Variants in SLC10A7 observed in about 807,000 individuals in gnomAD.
The protein encoded by SLC10A7 is solute carrier family 10 member 7, also known as sodium/bile acid cotransporter 7.
Under a neutral mutation model 43.2 loss-of-function variants are expected in SLC10A7, and 29 were observed. The ratio of observed to expected loss-of-function variants is 0.67; its 90% CI spans 0.50 to 0.92. The LOEUF is 0.92. Ranked by LOEUF, SLC10A7 falls within the 40% of genes least tolerant of loss-of-function variation. The pLI, the probability that SLC10A7 is intolerant of heterozygous loss-of-function variation, is 0.00. For missense variants in SLC10A7, 295 were observed against 403.2 expected, an observed-to-expected ratio of 0.73 and a Z score of 2.30; for synonymous variants, 152 against 144.8, an observed-to-expected ratio of 1.05 and a Z score of -0.35.
rs567122947 is a variant in SLC10A7, at chr4:146,496,405, C to T, written c.396+7444G>A. Among the ~76,000 whole-genome samples, 3 of 152,258 alleles carry T rather than the reference C, an allele frequency of 2.0e-5. No homozygotes were observed. The East Asian group carries it at 5.8e-4, about 29-fold the overall frequency. On this transcript the variant is annotated intron_variant, in intron 4 of 11. Coordinates refer to ENST00000335472, the MANE Select transcript of SLC10A7 (RefSeq NM_001029998.6). ...CTAACCTTCTCCTACCCTCCTGTCT[C>T]CTGTCCCTCTTTCTCTTGCCTGTGA... is the stretch of plus-strand genomic sequence containing the variant.
At chr4:146,447,295 G>C (rs75687935) in intron 4 of SLC10A7, among the ~76,000 whole-genome samples, 6,342 of 152,108 alleles carry the variant, frequency 0.042, 193 homozygotes, top group South Asian at 0.15. Context: ...TTTTTGTAGA[G>C]ACAGGGTTTC....
chr4:146,294,869 G>A (rs1352524978), intron 7 of SLC10A7, among the ~76,000 whole-genome samples: 2 of 152,140 alleles, frequency 1.3e-5, no homozygotes, highest in East Asian at 3.8e-4. Context: ...ACATAAAAGT[G>A]AACCACTCTA....
intron 5 of SLC10A7, among the ~76,000 whole-genome samples, chr4:146,401,627 C>T (rs1739233320): frequency 6.6e-6 from 1 of 151,986 alleles, no homozygotes; most frequent in African/African-American, 2.4e-5. Context: ...TCCTGAGTTG[C>T]CTGTGGATGA....
chr4:146,424,183 T>C (rs67397802), intron 5 of SLC10A7, among the ~76,000 whole-genome samples: 31,056 of 152,092 alleles, frequency 0.2, 3,266 homozygotes, highest in Middle Eastern at 0.23. Context: ...TCCAGAGTAG[T>C]TGGGACTACA....
chr4:146,448,554 T>G (rs1052607659), intron 4 of SLC10A7, among the ~76,000 whole-genome samples: 2 of 152,076 alleles, frequency 1.3e-5, no homozygotes, highest in African/African-American at 4.8e-5. Context: ...CCTTCCCTTA[T>G]GAGGTTACTA....
intron 10 of SLC10A7, among the ~76,000 whole-genome samples, chr4:146,266,304 C>T (rs139680876): frequency 2.0e-4 from 31 of 152,218 alleles, no homozygotes; most frequent in African/African-American, 6.7e-4. Context: ...TATAGATGGT[C>T]CCTTTAAGCA....
intron 5 of SLC10A7, among the ~76,000 whole-genome samples, chr4:146,387,694 C>T (rs190502240): frequency 3.5e-4 from 53 of 152,304 alleles, no homozygotes; most frequent in African/African-American, 1.2e-3. Flanking sequence ...AAGACTCCTA[C>T]AAAGGACCCC....
chr4:146,315,091 T>C (rs1221640871), intron 6 of SLC10A7, among the ~76,000 whole-genome samples: 1 of 152,110 alleles, frequency 6.6e-6, no homozygotes, highest in African/African-American at 2.4e-5. Context: ...ATAAGTTAAC[T>C]ACTACGGAGA....
At chr4:146,484,527 A>G (rs1406465220) in intron 4 of SLC10A7, among the ~76,000 whole-genome samples, 1 of 152,146 alleles carries the variant, frequency 6.6e-6, no homozygotes, top group African/African-American at 2.4e-5. Flanking sequence ...AGAGATAGAG[A>G]AAAAAACAGT....
intron 5 of SLC10A7, among the ~76,000 whole-genome samples, chr4:146,409,676 A>G (rs1325288351): frequency 1.3e-5 from 2 of 152,190 alleles, no homozygotes; most frequent in African/African-American, 4.8e-5. Context: ...ATAAGAACCA[A>G]GAGTTATTTT....
At chr4:146,327,234 T>G (rs1217211431) in intron 5 of SLC10A7, among the ~76,000 whole-genome samples, 1 of 152,234 alleles carries the variant, frequency 6.6e-6, no homozygotes, top group East Asian at 1.9e-4. Flanking sequence ...AGACTTGTTT[T>G]GTTATTAAAT....
At chr4:146,271,731 C>T (rs369570712) in intron 10 of SLC10A7, among the ~76,000 whole-genome samples, 3 of 152,142 alleles carry the variant, frequency 2.0e-5, no homozygotes, top group African/African-American at 7.2e-5. Flanking sequence ...TACCATTCCC[C>T]GGTCTCCTAT....
At chr4:146,304,237 C>G (rs1480218257) in intron 7 of SLC10A7, among the ~76,000 whole-genome samples, 1 of 150,406 alleles carries the variant, frequency 6.6e-6, no homozygotes, top group African/African-American at 2.5e-5. Context: ...AATTGTTTAT[C>G]AATTACATGG....
chr4:146,273,339 T>C (rs533879081), intron 10 of SLC10A7, among the ~76,000 whole-genome samples: 3 of 152,222 alleles, frequency 2.0e-5, no homozygotes, highest in African/African-American at 4.8e-5. Context: ...ACGCCACTCA[T>C]AGGTACATCT....
intron 5 of SLC10A7, among the ~76,000 whole-genome samples, chr4:146,424,146 G>C (rs1390609835): frequency 1.3e-5 from 2 of 152,180 alleles, no homozygotes; most frequent in Non-Finnish European, 2.9e-5. Context: ...AGAACTCACA[G>C]GCTCAAATGG....
In SLC10A7 at chr4:146,517,127, A is replaced by C; in HGVS notation, c.101-7T>G. 2 of 1,586,460 alleles carry C rather than the reference A, an allele frequency of 1.3e-6. No homozygotes were observed. The highest frequency in any genetic ancestry group is 1.7e-6 in the Non-Finnish European group (2 of 1,166,096). ...ATTTCTGGCTTCAGTGGTCCTAAAA[A>C]GAGAAAAAAGAGTTATTGCTAGAAA... On this transcript the variant is annotated splice_region_variant and splice_polypyrimidine_tract_variant and intron_variant, in intron 1 of 11. Transcript: ENST00000335472.
chr4:146,439,090 T>C (rs764990962), intron 5 of SLC10A7, among the ~76,000 whole-genome samples: 1 of 152,034 alleles, frequency 6.6e-6, no homozygotes, highest in Non-Finnish European at 1.5e-5. Context: ...GATAATGACA[T>C]TAACTGCTTA....
intron 4 of SLC10A7, among the ~76,000 whole-genome samples, chr4:146,468,225 C>T (rs1733227047): frequency 2.0e-5 from 3 of 152,056 alleles, no homozygotes; most frequent in Admixed American, 2.0e-4. Flanking sequence ...TCAGTAGCAC[C>T]ATAAGCTTAA....
chr4:146,325,790 T>C (rs1733061483), intron 6 of SLC10A7, among the ~76,000 whole-genome samples, 171 bp downstream of exon 6: 1 of 152,176 alleles, frequency 6.6e-6, no homozygotes, highest in Admixed American at 6.5e-5. Context: ...ATCATGAAAT[T>C]ATGAAGCTTC....
Sources: allele counts gnomAD v4.1 joint callset (sites outside exome capture counted in the v4.1 genomes callset), GRCh38; gene constraint gnomAD v4.1.1; transcripts MANE v1.5; gene names NCBI Gene and HGNC (gene_info 2026-07-23, HGNC 2026-07-21).